The following PRELID2 variants were observed in gnomAD, a reference collection of about 807,000 sequenced individuals.
PRELID2 encodes PRELI domain-containing protein 2.
PRELID2 carries 25 observed loss-of-function variants against 28.4 expected under a neutral mutation model. The ratio of observed to expected loss-of-function variants is 0.88; its 90% CI spans 0.64 to 1.23. PRELID2 has a LOEUF of 1.23. Ranked by LOEUF, PRELID2 falls within the 50% of genes most tolerant of loss-of-function variation. The pLI, the probability that PRELID2 is intolerant of heterozygous loss-of-function variation, is 0.00. For synonymous variants in PRELID2, 76 were observed against 71.6 expected (o/e 1.06, Z -0.31); for missense variants, 201 against 214.4 (o/e 0.94, Z 0.39).
the PRELID2 span, among the ~76,000 whole-genome samples, chr5:145,415,916 A>G: frequency 7.9e-5 from 12 of 152,042 alleles, no homozygotes; most frequent in East Asian, 1.9e-4. Context: ...AAGTGTTCCT[A>G]TTTCTCCACT....
the PRELID2 span, among the ~76,000 whole-genome samples, chr5:145,250,720 T>G: frequency 6.6e-6 from 1 of 152,144 alleles, no homozygotes; most frequent in Admixed American, 6.6e-5. Context: ...TTGGGATATT[T>G]TCCATGAAAC....
chr5:145,535,589 C>G (rs58521118), intron 1 of PRELID2, among the ~76,000 whole-genome samples: 3,775 of 151,790 alleles, frequency 0.025, 174 homozygotes, highest in African/African-American at 0.086. Context: ...TGCTTACTTT[C>G]AAGGAAAATG....
At chr5:145,298,786 A>T in the PRELID2 span, among the ~76,000 whole-genome samples, 1 of 152,132 alleles carries the variant, frequency 6.6e-6, no homozygotes, top group African/African-American at 2.4e-5. Context: ...AAAATAAACT[A>T]AGACAATATA....
intron 5 of PRELID2, among the ~76,000 whole-genome samples, chr5:145,780,274 G>A (rs1758704546): frequency 6.6e-6 from 1 of 152,172 alleles, no homozygotes; most frequent in Non-Finnish European, 1.5e-5. Context: ...GATCCAGCTG[G>A]GCAACAAAGT....
chr5:145,598,871 G>A (rs1164128760), intron 1 of PRELID2, among the ~76,000 whole-genome samples: 1 of 152,166 alleles, frequency 6.6e-6, no homozygotes, highest in Non-Finnish European at 1.5e-5. Context: ...AGAATGGTAA[G>A]AAAGAGTTTG....
chr5:145,528,609 T>C (rs551782689), intron 1 of PRELID2, among the ~76,000 whole-genome samples: 1 of 151,884 alleles, frequency 6.6e-6, no homozygotes, highest in Admixed American at 6.6e-5. Flanking sequence ...TTGTAAGGCA[T>C]ACTGGTATAC....
chr5:145,619,397 T>A (rs1753743948), intron 1 of PRELID2, among the ~76,000 whole-genome samples: 3 of 152,202 alleles, frequency 2.0e-5, no homozygotes, highest in Non-Finnish European at 4.4e-5. Context: ...TCTACCCCTG[T>A]ATTTCACTCG....
chr5:145,267,585 A>T, the PRELID2 span, among the ~76,000 whole-genome samples: 1 of 152,132 alleles, frequency 6.6e-6, no homozygotes, highest in South Asian at 2.1e-4. Context: ...TTGCTTCCAA[A>T]TCTTGGCTAT....
intron 1 of PRELID2, among the ~76,000 whole-genome samples, chr5:145,729,752 G>A (rs1054601676): frequency 2.0e-5 from 3 of 152,148 alleles, no homozygotes; most frequent in African/African-American, 4.8e-5. Flanking sequence ...GGAATGTTGG[G>A]GTGATCAGAC....
chr5:145,815,937 G>C (rs543328154), intron 4 of PRELID2, among the ~76,000 whole-genome samples: 1 of 152,204 alleles, frequency 6.6e-6, no homozygotes, highest in East Asian at 1.9e-4. Flanking sequence ...GCTGGGTCAA[G>C]TGGTAATTCT....
At chr5:145,248,591 G>T in the PRELID2 span, among the ~76,000 whole-genome samples, 1 of 129,094 alleles carries the variant, frequency 7.7e-6, no homozygotes, top group Admixed American at 7.3e-5. Context: ...TCAAGAGATC[G>T]ATCGAGAACA....
At chr5:145,714,916 C>G (rs1200926423) in intron 1 of PRELID2, among the ~76,000 whole-genome samples, 1 of 152,114 alleles carries the variant, frequency 6.6e-6, no homozygotes, top group Non-Finnish European at 1.5e-5. Flanking sequence ...AGCAGCTAAT[C>G]CTGGGCCTCT....
chr5:145,233,252 G>A, the PRELID2 span, among the ~76,000 whole-genome samples: 4 of 152,040 alleles, frequency 2.6e-5, no homozygotes, highest in African/African-American at 9.7e-5. Flanking sequence ...CCACTAAAAT[G>A]AAGAACATAA....
chr5:145,711,538 C>T (rs556013722), intron 1 of PRELID2, among the ~76,000 whole-genome samples: 23 of 152,266 alleles, frequency 1.5e-4, no homozygotes, highest in African/African-American at 5.1e-4. Context: ...AAATCTGCAG[C>T]CACCTGCCAA....
intron 1 of PRELID2, chr5:145,826,246 G>T: frequency 1.1e-6 from 1 of 895,222 alleles, no homozygotes; most frequent in Non-Finnish European, 1.3e-6. Flanking sequence ...AAATATAATA[G>T]TGTAAAGCCC....
At chr5:145,742,256 A>G (rs1447694666) in intron 1 of PRELID2, among the ~76,000 whole-genome samples, 12 of 141,116 alleles carry the variant, frequency 8.5e-5, no homozygotes, top group African/African-American at 2.8e-4. Context: ...TATAAATAAA[A>G]TATATATTTT....
the PRELID2 span, among the ~76,000 whole-genome samples, chr5:145,249,890 C>A: frequency 4.0e-5 from 6 of 151,502 alleles, no homozygotes; most frequent in Admixed American, 4.0e-4. Flanking sequence ...GGGTTCCATT[C>A]TTTGTCAGTA....
intron 1 of PRELID2, among the ~76,000 whole-genome samples, chr5:145,521,413 G>A (rs1019098968): frequency 2.0e-5 from 3 of 152,088 alleles, no homozygotes; most frequent in Non-Finnish European, 4.4e-5. Flanking sequence ...TGTAGAAGGG[G>A]CTCTGTGGAA....
chr5:145,812,784 C>T (rs1754043155), intron 4 of PRELID2, among the ~76,000 whole-genome samples: 1 of 152,184 alleles, frequency 6.6e-6, no homozygotes, highest in Admixed American at 6.5e-5. Context: ...AGAAACAGGA[C>T]ATCACCCTAT....
Sources: allele counts gnomAD v4.1 joint callset (sites outside exome capture counted in the v4.1 genomes callset), GRCh38; gene constraint gnomAD v4.1.1; transcripts MANE v1.5; gene names NCBI Gene and HGNC (gene_info 2026-07-23, HGNC 2026-07-21).